Variants in TRIM24 observed in about 807,000 individuals in gnomAD.
The protein encoded by TRIM24 is transcription intermediary factor 1-alpha.
TRIM24 carries 29 observed loss-of-function variants against 123.9 expected under a neutral mutation model. That is an observed-to-expected ratio of 0.23 (90% confidence interval 0.17 to 0.32). The LOEUF is 0.32. Ranked by LOEUF, TRIM24 falls within the 10% of genes least tolerant of loss-of-function variation. The pLI is 1.00. For missense variants in TRIM24, 932 were observed against 1,295.3 expected, an observed-to-expected ratio of 0.72 and a Z score of 4.31; for synonymous variants, 456 against 461.1, an observed-to-expected ratio of 0.99 and a Z score of 0.14.
chr7:138,560,935 T>C (rs921751712), intron 9 of TRIM24, among the ~76,000 whole-genome samples: 1 of 152,224 alleles, frequency 6.6e-6, no homozygotes, highest in Non-Finnish European at 1.5e-5. Context: ...TTCCTGCCTT[T>C]TGATGCCTTT....
At chr7:138,534,641 G>A (rs564170596) in intron 6 of TRIM24, among the ~76,000 whole-genome samples, 1 of 152,298 alleles carries the variant, frequency 6.6e-6, no homozygotes, top group East Asian at 1.9e-4. Flanking sequence ...CAACTGTGTG[G>A]TCAATTTTGG....
At chr7:138,479,567 C>T (rs1157800651) in intron 1 of TRIM24, among the ~76,000 whole-genome samples, 1 of 152,080 alleles carries the variant, frequency 6.6e-6, no homozygotes, top group East Asian at 1.9e-4. Context: ...GGCTGGAGTG[C>T]AGTGGCGGGA....
At chr7:138,526,812 A>T (rs1796619904) in intron 5 of TRIM24, among the ~76,000 whole-genome samples, 1 of 152,198 alleles carries the variant, frequency 6.6e-6, no homozygotes, top group African/African-American at 2.4e-5. Context: ...AAGTAGAATA[A>T]TTGGTGGGTT....
intron 6 of TRIM24, among the ~76,000 whole-genome samples, chr7:138,534,330 T>C (rs1796817377): frequency 6.6e-6 from 1 of 152,244 alleles, no homozygotes; most frequent in South Asian, 2.1e-4. Context: ...AGATCTTTCC[T>C]GCTTTCTCTT....
chr7:138,566,145 C>A (rs1797530594), intron 9 of TRIM24, among the ~76,000 whole-genome samples: 1 of 152,132 alleles, frequency 6.6e-6, no homozygotes, highest in Non-Finnish European at 1.5e-5. Context: ...TTTATTTCTG[C>A]TTCAGCCTCA....
At chr7:138,485,090 T>C (rs113120169) in intron 1 of TRIM24, among the ~76,000 whole-genome samples, 3,230 of 152,240 alleles carry the variant, frequency 0.021, 93 homozygotes, top group African/African-American at 0.071. Context: ...TTCCTCAATA[T>C]GGATTTTCAA....
At chr7:138,553,755 G>A (rs541423849) in intron 8 of TRIM24, among the ~76,000 whole-genome samples, 1 of 152,300 alleles carries the variant, frequency 6.6e-6, no homozygotes, top group South Asian at 2.1e-4. Context: ...AGTTCTCAAA[G>A]TATAGTCTGG....
chr7:138,581,274 C>T (rs187735020), intron 16 of TRIM24, among the ~76,000 whole-genome samples: 1 of 152,170 alleles, frequency 6.6e-6, no homozygotes, highest in Non-Finnish European at 1.5e-5. Flanking sequence ...CTGGGATAAA[C>T]CCATAAAGCA....
At chr7:138,504,192 T>C (rs147014273) in intron 1 of TRIM24, 98 bp from the exon 2 acceptor site, 1 of 677,258 alleles carries the variant, frequency 1.5e-6, no homozygotes, top group African/African-American at 1.9e-5. Context: ...TTAAAAAGAA[T>C]GGACATTGAA....
chr7:138,511,377 T>G (rs1584710137), intron 2 of TRIM24, among the ~76,000 whole-genome samples: 1 of 151,794 alleles, frequency 6.6e-6, no homozygotes, highest in Non-Finnish European at 1.5e-5. Context: ...CTTGGCTCAC[T>G]GCAACCTCTG....
intron 2 of TRIM24, among the ~76,000 whole-genome samples, chr7:138,512,046 G>T (rs534256624): frequency 6.6e-6 from 1 of 152,264 alleles, no homozygotes; most frequent in Non-Finnish European, 1.5e-5. Context: ...CAGGCCTTGT[G>T]CAAGTCCAAA....
chr7:138,468,542 T>C (rs1245786631), intron 1 of TRIM24, among the ~76,000 whole-genome samples: 1 of 152,228 alleles, frequency 6.6e-6, no homozygotes, highest in Non-Finnish European at 1.5e-5. Context: ...ATCTCGTAGA[T>C]AGCGTATAGT....
At chr7:138,550,164 C>CATGTGT (rs1409153939) in intron 7 of TRIM24, among the ~76,000 whole-genome samples, 1 of 152,052 alleles carries the variant, frequency 6.6e-6, no homozygotes, top group African/African-American at 2.4e-5. Context: ...TAATGGCCTA[C>CATGTGT]CTGAAGTAAG....
rs563075769 is a variant in TRIM24, at chr7:138,489,776, G to A, written c.365-14514G>A. ...TAACCTGACCTTTCTTTCTGGCCGC[G>A]CTTAACGTTTTTTCCTTCATTTCAA... On this transcript the variant is annotated intron_variant, in intron 1 of 18. Transcript: ENST00000343526. Among the ~76,000 whole-genome samples, 10 of 152,130 alleles carry A rather than the reference G, an allele frequency of 6.6e-5. No homozygotes were observed. The South Asian group carries it at 1.2e-3, about 19-fold the overall frequency.
In TRIM24 at chr7:138,476,018, T is replaced by C. The variant is rs1394550212; in HGVS notation, c.364+15106T>C. Among the ~76,000 whole-genome samples, 4 of 152,236 alleles carry C rather than the reference T, an allele frequency of 2.6e-5. 1 individual carries two copies. The South Asian group carries it at 6.2e-4, about 24-fold the overall frequency. On this transcript the variant is annotated intron_variant, in intron 1 of 18. Coordinates refer to ENST00000343526, the MANE Select transcript of TRIM24 (RefSeq NM_015905.3). ...TGCAGTCTGTAATGAAGATACGTTA[T>C]TGGGTGCATGGATATTCATGACAGC... is the stretch of plus-strand genomic sequence containing the variant.
chr7:138,518,129 T>C (rs1373674956), intron 3 of TRIM24, among the ~76,000 whole-genome samples: 1 of 152,230 alleles, frequency 6.6e-6, no homozygotes, highest in Non-Finnish European at 1.5e-5. Context: ...TATAGTGGTA[T>C]ATCTATTTCG....
intron 14 of TRIM24, among the ~76,000 whole-genome samples, chr7:138,578,563 T>TGCACGC (rs1554445381): frequency 6.9e-6 from 1 of 144,990 alleles, no homozygotes; most frequent in Non-Finnish European, 1.5e-5. Flanking sequence ...TGTGTGTGTG[T>TGCACGC]GCGCGCACGC....
At chr7:138,522,585 A>G (rs1796525969) in intron 4 of TRIM24, among the ~76,000 whole-genome samples, 1 of 152,174 alleles carries the variant, frequency 6.6e-6, no homozygotes, top group East Asian at 1.9e-4. Flanking sequence ...TTTAGAAGAC[A>G]TTATTGAGAC....
rs138993800 is a variant in TRIM24, at chr7:138,568,001, C to T, written c.1704+347C>T. On this transcript the variant is annotated intron_variant, in intron 10 of 18. Transcript: ENST00000343526. The stretch of plus-strand genomic sequence containing the variant: ...TAGAACAATAAATGAATCTTTGAAG[C>T]GTCTCAAGAAGATTTCTTGGAAACA... Among the ~76,000 whole-genome samples, 674 of 152,152 alleles carry T rather than the reference C, an allele frequency of 4.4e-3. 6 individuals are homozygous for T. Among genetic ancestry groups the T allele is most frequent in the African/African-American group, 0.015 (631 of 41,492 alleles).
Sources: allele counts gnomAD v4.1 joint callset (sites outside exome capture counted in the v4.1 genomes callset), GRCh38; gene constraint gnomAD v4.1.1; transcripts MANE v1.5; gene names NCBI Gene and HGNC (gene_info 2026-07-23, HGNC 2026-07-21).